Variants in ATF2 observed in about 807,000 individuals in gnomAD.
ATF2 encodes the protein activating transcription factor 2.
In ATF2, 24 loss-of-function variants were observed where a neutral mutation model predicts 60.6. The observed-to-expected ratio is 0.40, with a 90% CI of 0.29 to 0.56. The LOEUF (loss-of-function observed/expected upper bound fraction) is 0.56, where lower values mean the gene tolerates loss of function less well. ATF2 is among the 20% of genes least tolerant of loss of function. The pLI, the probability that ATF2 is intolerant of heterozygous loss-of-function variation, is 0.54. For missense variants in ATF2, 433 were observed against 607.7 expected, an observed-to-expected ratio of 0.71 and a Z score of 3.02; for synonymous variants, 206 against 215.4, an observed-to-expected ratio of 0.96 and a Z score of 0.38.
At chr2:175,146,439 G>A (rs1698955871) in intron 2 of ATF2, among the ~76,000 whole-genome samples, 1 of 152,156 alleles carries the variant, frequency 6.6e-6, no homozygotes, top group Non-Finnish European at 1.5e-5. Flanking sequence ...GACATATTGT[G>A]ATTTTGTAAC....
In ATF2 at chr2:175,074,023, G is replaced by A. The variant is rs1054577141; in HGVS notation, c.*586C>T. On this transcript the variant is annotated 3_prime_UTR_variant, in exon 14 of 14. Coordinates refer to ENST00000264110, the MANE Select transcript of ATF2 (RefSeq NM_001880.4). Reference sequence around the variant, plus strand: ...GCTTAACAATGTGCATAAAAGCACTGTATGTCTTTACCATGTTTTCACTCA... The same window carrying A: ...GCTTAACAATGTGCATAAAAGCACTATATGTCTTTACCATGTTTTCACTCA... 1.3e-5 allele frequency: 2 copies of A among 152,100 alleles called. No homozygotes were observed. Among genetic ancestry groups the A allele is most frequent in the African/African-American group, 2.4e-5 (1 of 41,426 alleles). 9.4% of individuals were successfully genotyped at this position (152,100 alleles called of 1,614,324 possible).
At chr2:175,121,363 T>C in intron 5 of ATF2, 81 bp downstream of exon 5, 1 of 866,608 alleles carries the variant, frequency 1.2e-6, no homozygotes. Flanking sequence ...CCAGACTATA[T>C]TATTTACAGA....
chr2:175,108,656 A>G (rs980180304), intron 10 of ATF2, among the ~76,000 whole-genome samples: 1 of 152,128 alleles, frequency 6.6e-6, no homozygotes, highest in Non-Finnish European at 1.5e-5. Context: ...TTGCCTGGCC[A>G]CCACCCCATC....
chr2:175,106,304 G>A (rs1489715550), intron 10 of ATF2, among the ~76,000 whole-genome samples: 1 of 152,124 alleles, frequency 6.6e-6, no homozygotes, highest in African/African-American at 2.4e-5. Flanking sequence ...GCCGAGGCAG[G>A]TGGATCACCT....
intron 7 of ATF2, among the ~76,000 whole-genome samples, chr2:175,117,092 A>G (rs1263592892): frequency 6.6e-6 from 1 of 151,956 alleles, no homozygotes; most frequent in East Asian, 1.9e-4. Flanking sequence ...ATAAATGTAT[A>G]TATCTAGAAA....
In ATF2 at chr2:175,121,610, T is replaced by G. The variant is rs1574420047; in HGVS notation, c.103-70A>C. On this transcript the variant is annotated intron_variant, in intron 4 of 13. Transcript: ENST00000264110. ...TCAAATAAGTAAAATGATTAGGAAA[T>G]TAATTTCCACAACATGTAAAACCAC... 8 of 1,208,950 alleles carry G rather than the reference T, an allele frequency of 6.6e-6. No individual in the cohort carries two copies. The East Asian group carries it at 2.0e-4, about 30-fold the overall frequency. 74.9% of individuals were successfully genotyped at this position (1,208,950 alleles called of 1,614,324 possible).
intron 13 of ATF2, among the ~76,000 whole-genome samples, chr2:175,075,284 C>G (rs1693215208): frequency 6.6e-6 from 1 of 152,108 alleles, no homozygotes; most frequent in Admixed American, 6.6e-5. Flanking sequence ...TCAAATTATT[C>G]CCTCTGCATT....
In ATF2 at chr2:175,088,431, C is replaced by T. The variant is rs529348085; in HGVS notation, c.1185+4630G>A. ...TTTAATCTCATTTTCTATAAGTCAA[C>T]GGACCAATAAAACCTTTTCCACATC... On this transcript the variant is annotated intron_variant, in intron 12 of 13. Transcript: ENST00000264110. Among the ~76,000 whole-genome samples the T allele has an allele frequency of 1.5e-4, 23 of 152,090 alleles. 1 individual carries two copies. The highest frequency in any genetic ancestry group is 4.8e-4 in the African/African-American group (20 of 41,494).
At chr2:175,144,183 G>A (rs55709282) in intron 2 of ATF2, among the ~76,000 whole-genome samples, 14,048 of 152,116 alleles carry the variant, frequency 0.092, 685 homozygotes, top group Middle Eastern at 0.17. Flanking sequence ...ATGGATTTCT[G>A]ATCGGGCACC....
intron 11 of ATF2, among the ~76,000 whole-genome samples, chr2:175,094,605 T>TATAA (rs1358711283): frequency 6.6e-6 from 1 of 152,116 alleles, no homozygotes; most frequent in African/African-American, 2.4e-5. Flanking sequence ...ACAAGTCTTA[T>TATAA]ATAAAGCTCA....
intron 1 of ATF2, among the ~76,000 whole-genome samples, chr2:175,156,783 C>T (rs774420074): frequency 1.3e-5 from 2 of 152,200 alleles, no homozygotes; most frequent in Non-Finnish European, 1.5e-5. Context: ...AAGCTGAGGA[C>T]TCGGCTGGGC....
intron 11 of ATF2, among the ~76,000 whole-genome samples, chr2:175,097,060 C>A (rs1424703050): frequency 6.6e-6 from 1 of 152,106 alleles, no homozygotes; most frequent in Non-Finnish European, 1.5e-5. Context: ...TATTATTTTT[C>A]TGGTTATATA....
chr2:175,122,668 CAT>C (rs1348201516), intron 4 of ATF2, among the ~76,000 whole-genome samples: 2 of 152,004 alleles, frequency 1.3e-5, no homozygotes, highest in South Asian at 2.1e-4. Context: ...AAAATCATCT[CAT>C]GTGTGCGGCA....
In ATF2 at chr2:175,073,740, G is replaced by A. The variant is rs866146125; in HGVS notation, c.*869C>T. On this transcript the variant is annotated 3_prime_UTR_variant, in exon 14 of 14. Transcript: ENST00000264110. ...CCATACTTAATTATGCATAAACTTT[G>A]CAGTTTGTAACCTGAAATCTGTAAA... 2.6e-5 allele frequency: 4 copies of A among 151,888 alleles called. No homozygotes were observed. The highest frequency in any genetic ancestry group is 5.9e-5 in the Non-Finnish European group (4 of 67,986). The allele number at this position is 151,888 out of a possible 1,614,324, so 9.4% of individuals were successfully genotyped here.
chr2:175,084,454 T>C (rs1694002192), intron 12 of ATF2, among the ~76,000 whole-genome samples: 1 of 120,332 alleles, frequency 8.3e-6, no homozygotes, highest in African/African-American at 3.3e-5. Flanking sequence ...TGAGAACACA[T>C]GGACACAGGA....
chr2:175,109,321 A>C (rs749262493), intron 10 of ATF2, among the ~76,000 whole-genome samples: 47 of 152,180 alleles, frequency 3.1e-4, no homozygotes, highest in Admixed American at 1.3e-4. Context: ...CAATAAAAAG[A>C]AGCAAACTGT....
Position 175,114,815 on chromosome 2 carries a change from T to C in ATF2, c.501A>G (p.Ala167=), listed in dbSNP as rs777103729. The C allele has an allele frequency of 1.2e-6, 2 of 1,614,014 alleles. No individual in the cohort carries two copies. The highest frequency in any genetic ancestry group is 1.7e-6 in the Non-Finnish European group (2 of 1,179,908). The change falls in exon 8 of 14, where the codon GCA becomes GCG. Residue 167 remains alanine (A), a synonymous_variant. Coordinates refer to ENST00000264110, the MANE Select transcript of ATF2 (RefSeq NM_001880.4). ...GCAGCACATTGGGAACCTGTAATGA[T>C]GCTGGACGAACAATAGCTGATGTGG... ...AQPTSAIVRP[A]SLQVPNVLLT... is the part of the protein sequence containing the mutation.
At chr2:175,133,884 A>T (rs980192454) in intron 3 of ATF2, among the ~76,000 whole-genome samples, 3 of 152,232 alleles carry the variant, frequency 2.0e-5, no homozygotes, top group Non-Finnish European at 4.4e-5. Context: ...TTATACCTCA[A>T]TAAAAAGCAA....
At chr2:175,079,933 A>T (rs933122517) in intron 13 of ATF2, among the ~76,000 whole-genome samples, 1 of 152,176 alleles carries the variant, frequency 6.6e-6, no homozygotes, top group Admixed American at 6.5e-5. Context: ...AAATTTGTAT[A>T]CTATGGACAA....
Sources: allele counts gnomAD v4.1 joint callset (sites outside exome capture counted in the v4.1 genomes callset), GRCh38; gene constraint gnomAD v4.1.1; transcripts MANE v1.5; gene names NCBI Gene and HGNC (gene_info 2026-07-23, HGNC 2026-07-21).